POLR3GL: variants seen among roughly 807,000 people sequenced by gnomAD.
POLR3GL encodes the protein RNA polymerase III subunit GL, also known as DNA-directed RNA polymerase III subunit RPC7-like.
A neutral mutation model predicts 32.4 loss-of-function variants in POLR3GL; 26 were observed. That is an observed-to-expected ratio of 0.80 (90% confidence interval 0.59 to 1.11). The LOEUF (loss-of-function observed/expected upper bound fraction) is 1.11. Ranked by LOEUF, POLR3GL falls within the 50% of genes most tolerant of loss-of-function variation. POLR3GL has a pLI of 0.00. For synonymous variants in POLR3GL, 95 were observed against 98.7 expected (o/e 0.96, Z 0.22); for missense variants, 229 against 280.1 (o/e 0.82, Z 1.30).
Position 145,978,005 on chromosome 1 carries a change from A to C in POLR3GL, c.479A>C (p.Glu160Ala). The change falls in exon 7 of 8, where the codon GAA (glutamate) becomes GCA (alanine). Residue 160 changes from glutamate to alanine, a missense_variant. Transcript: ENST00000369314. ...GAGACCCTGGAGAAGAAGGAAGAAG[A>C]AGTAACTTCAGAGGAGGATGAGGAG... ...KLETLEKKEE[E>A]VTSEEDEEKE... The C allele has an allele frequency of 6.2e-7, 1 of 1,612,466 alleles. No homozygotes were observed. Among genetic ancestry groups the C allele is most frequent in the African/African-American group, 1.3e-5 (1 of 74,986 alleles).
At chr1:145,977,358 A>C in intron 4 of POLR3GL, 125 bp from the exon 5 acceptor site, 1 of 980,276 alleles carries the variant, frequency 1.0e-6, no homozygotes, top group South Asian at 1.3e-5. Flanking sequence ...CAAGCCACTG[A>C]ACAACTTTGG....
At chr1:145,970,355 C>G (rs190121656) in intron 1 of POLR3GL, among the ~76,000 whole-genome samples, 2 of 151,984 alleles carry the variant, frequency 1.3e-5, no homozygotes, top group African/African-American at 4.8e-5. Context: ...TATGTTGCCC[C>G]GGCTGGTCTC....
chr1:145,975,119 G>T, intron 2 of POLR3GL, 128 bp downstream of exon 2: 1 of 1,332,304 alleles, frequency 7.5e-7, no homozygotes, highest in East Asian at 2.4e-5. Context: ...CCAATGCACA[G>T]GGATGTTTTG....
chr1:145,974,447 G>A (rs1410133592), intron 1 of POLR3GL, among the ~76,000 whole-genome samples: 4 of 152,150 alleles, frequency 2.6e-5, no homozygotes, highest in Non-Finnish European at 2.9e-5. Flanking sequence ...CCAGGGGTTC[G>A]AGGCTAGAGT....
intron 1 of POLR3GL, among the ~76,000 whole-genome samples, chr1:145,970,559 A>G (rs935000070): frequency 4.0e-4 from 61 of 152,180 alleles, no homozygotes; most frequent in African/African-American, 1.2e-3. Context: ...CATTTGTCCC[A>G]GTGCACAGTT....
intron 3 of POLR3GL, among the ~76,000 whole-genome samples, chr1:145,976,452 G>A (rs373494226): frequency 4.2e-4 from 63 of 150,374 alleles, no homozygotes; most frequent in African/African-American, 1.3e-3. Flanking sequence ...GGTGGCAGAT[G>A]CCTCTAATCC....
At chr1:145,976,948 C>T in intron 3 of POLR3GL, 136 bp from the exon 4 acceptor site, 1 of 627,182 alleles carries the variant, frequency 1.6e-6, no homozygotes, top group Non-Finnish European at 2.9e-6. Flanking sequence ...AAGGTCCTCA[C>T]TGAAGCTGAC....
intron 1 of POLR3GL, among the ~76,000 whole-genome samples, chr1:145,972,380 CAA>C (rs782476722): frequency 2.4e-4 from 20 of 82,482 alleles, no homozygotes; most frequent in Admixed American, 2.7e-4. Flanking sequence ...AACTCCATCT[CAA>C]AAAAAAAAAA....
At chr1:145,977,265 C>A in intron 4 of POLR3GL, 113 bp downstream of exon 4, 1 of 1,001,666 alleles carries the variant, frequency 1.0e-6, no homozygotes, top group Non-Finnish European at 1.6e-6. Context: ...CATCTGCAAG[C>A]TAGAGCCTTA....
At chr1:145,976,270 C>T (rs756880831) in intron 3 of POLR3GL, among the ~76,000 whole-genome samples, 214 of 144,930 alleles carry the variant, frequency 1.5e-3, no homozygotes, top group Middle Eastern at 8.1e-3. Context: ...CTGGGTGACA[C>T]AGCAAACCTC....
chr1:145,975,260 G>A, intron 2 of POLR3GL, 47 bp from the exon 3 acceptor site: 1 of 1,591,176 alleles, frequency 6.3e-7, no homozygotes, highest in Non-Finnish European at 8.6e-7. Flanking sequence ...TCCTAAATTT[G>A]TACTAGCATT....
chr1:145,976,828 G>A (rs587654893), intron 3 of POLR3GL, among the ~76,000 whole-genome samples: 169 of 149,680 alleles, frequency 1.1e-3, no homozygotes, highest in African/African-American at 4.0e-3. Flanking sequence ...CAGGAGAATC[G>A]CTTGAACCTG....
At chr1:145,965,306 A>G (rs1269434758) in intron 1 of POLR3GL, among the ~76,000 whole-genome samples, 2 of 152,256 alleles carry the variant, frequency 1.3e-5, no homozygotes, top group East Asian at 1.9e-4. Flanking sequence ...TCTGGTAACT[A>G]GCACTCTTTT....
chr1:145,969,638 T>TG (rs1553762373), intron 1 of POLR3GL, among the ~76,000 whole-genome samples: 2 of 149,130 alleles, frequency 1.3e-5, no homozygotes. Context: ...ATACATAACC[T>TG]GGCTGGGCAT....
intron 1 of POLR3GL, among the ~76,000 whole-genome samples, chr1:145,968,813 C>T (rs925335700): frequency 3.3e-5 from 5 of 151,972 alleles, no homozygotes; most frequent in Admixed American, 6.6e-5. Flanking sequence ...CCTCGTGATC[C>T]GCCCACCTCA....
intron 1 of POLR3GL, among the ~76,000 whole-genome samples, chr1:145,970,942 T>G (rs1292268637): frequency 7.0e-6 from 1 of 142,576 alleles, no homozygotes; most frequent in Non-Finnish European, 1.5e-5. Flanking sequence ...ATCTAGCACT[T>G]TGGGAGGCCG....
At chr1:145,974,368 T>A (rs587772775) in intron 1 of POLR3GL, among the ~76,000 whole-genome samples, 1 of 151,888 alleles carries the variant, frequency 6.6e-6, no homozygotes, top group Admixed American at 6.6e-5. Flanking sequence ...ATGCAGTTTG[T>A]GGCTGGGCAT....
At chr1:145,965,388 C>T (rs782717332) in intron 1 of POLR3GL, among the ~76,000 whole-genome samples, 2 of 152,024 alleles carry the variant, frequency 1.3e-5, no homozygotes, top group African/African-American at 4.8e-5. Context: ...TAATTAAGAG[C>T]CATTAAATTA....
chr1:145,974,999 T>A lies in POLR3GL; in HGVS notation c.126+8T>A. 1 of 1,506,500 alleles carries A rather than the reference T, an allele frequency of 6.6e-7. No homozygotes were observed. The allele number at this position is 1,506,500 out of a possible 1,614,324, so 93.3% of individuals were successfully genotyped here. On this transcript the variant is annotated splice_region_variant and intron_variant, in intron 2 of 7. Transcript: ENST00000369314. ...CCTTCTCCACTCTTCCCTGTGAGTC[T>A]CTCCACTCCCTTCCCAGACTCTCAT...
Sources: allele counts gnomAD v4.1 joint callset (sites outside exome capture counted in the v4.1 genomes callset), GRCh38; gene constraint gnomAD v4.1.1; transcripts MANE v1.5; gene names NCBI Gene and HGNC (gene_info 2026-07-23, HGNC 2026-07-21).